TMPRSS13: variants seen among roughly 807,000 people sequenced by gnomAD.
The protein encoded by TMPRSS13 is transmembrane protease serine 13.
A neutral mutation model predicts 68.4 loss-of-function variants in TMPRSS13; 50 were observed. The ratio of observed to expected loss-of-function variants is 0.73; its 90% CI spans 0.58 to 0.93. The LOEUF is 0.93. Ranked by LOEUF, TMPRSS13 falls within the 40% of genes least tolerant of loss-of-function variation. The probability of loss-of-function intolerance (pLI) is 0.00; values close to 1 mark genes in which losing one functional copy is unlikely to be tolerated. For synonymous variants in TMPRSS13, 267 were observed against 285.8 expected, an observed-to-expected ratio of 0.93 and a Z score of 0.66; for missense variants, 615 against 729.2, an observed-to-expected ratio of 0.84 and a Z score of 1.80.
chr11:117,914,508 A>T lies in TMPRSS13; in HGVS notation c.563T>A (p.Phe188Tyr). Residue 188 changes from phenylalanine (F) to tyrosine (Y), a missense_variant, in exon 4 of 13, where the codon TTC becomes TAC. By Grantham distance (22) the Phe-to-Tyr change is conservative. Transcript: ENST00000524993. The surrounding 1 kb of genome is among the most constrained non-coding windows in gnomAD (Gnocchi z 4.2). ...CCTGATCCCTGTGTGGCCCTGCCAGAACTGGACTAGAGAAAAAGAAGCAGA... is the reference window on the plus strand; with the variant it reads ...CCTGATCCCTGTGTGGCCCTGCCAGTACTGGACTAGAGAAAAAGAAGCAGA... ...LVVSLIILFQ[F>Y]WQGHTGIRYK... The T allele has an allele frequency of 6.2e-7, 1 of 1,613,888 alleles. No homozygotes were observed. The highest frequency in any genetic ancestry group is 8.5e-7 in the Non-Finnish European group (1 of 1,180,000).
At chr11:117,927,727 C>G (rs552140979) in intron 1 of TMPRSS13, among the ~76,000 whole-genome samples, 26 of 152,310 alleles carry the variant, frequency 1.7e-4, no homozygotes, top group African/African-American at 6.3e-4. Context: ...GGAATACGAG[C>G]CCCAACTATA....
At chr11:117,919,693 A>G (rs1283697346) in intron 1 of TMPRSS13, among the ~76,000 whole-genome samples, 1 of 152,264 alleles carries the variant, frequency 6.6e-6, no homozygotes, top group Non-Finnish European at 1.5e-5. Context: ...AAACGTTCAC[A>G]TCTGTGGCCT....
chr11:117,904,336 C>A, intron 10 of TMPRSS13, among the ~76,000 whole-genome samples: 1 of 152,174 alleles, frequency 6.6e-6, no homozygotes, highest in South Asian at 2.1e-4. Context: ...GAGACAGAGA[C>A]ATCCATGCAC....
rs2057657295 is a variant in TMPRSS13, at chr11:117,922,345, CT to C, written c.22-3508del. 6.6e-6 allele frequency among the ~76,000 whole-genome samples: 1 copy of C among 152,210 alleles called. No homozygotes were observed. The highest frequency in any genetic ancestry group is 6.5e-5 in the Admixed American group (1 of 15,292). On this transcript the variant is annotated intron_variant, in intron 1 of 12. Transcript: ENST00000524993. The surrounding 1 kb of genome is among the most constrained non-coding windows in gnomAD (Gnocchi z 4.2). ...CACCTCCCGGGTTCAAGTGATTCTC[CT>C]TCCTCAGCCTCCTGAGTACCTGGGA...
At chr11:117,913,995 G>A (rs2057548037) in intron 4 of TMPRSS13, 89 bp from the exon 5 acceptor site, 2 of 1,498,164 alleles carry the variant, frequency 1.3e-6, no homozygotes, top group Admixed American at 1.9e-5. Flanking sequence ...CTTTGAGAAA[G>A]CGCTTGTCCT....
intron 1 of TMPRSS13, among the ~76,000 whole-genome samples, chr11:117,923,316 A>G (rs929350516): frequency 6.6e-6 from 1 of 152,228 alleles, no homozygotes; most frequent in African/African-American, 2.4e-5. Flanking sequence ...TTCCAGTTGC[A>G]GACTCTGCCC....
rs1277304650 is a variant in TMPRSS13 at position 117,909,791 on chromosome 11, C to T, written c.1109+15G>A. On this transcript the variant is annotated intron_variant, in intron 8 of 12. Transcript: ENST00000524993. ...CCCTGGGCAGTGTCAAATCACCTGC[C>T]TCTCAGGCACTTACACGAAGAAGCA... The T allele has an allele frequency of 1.2e-6, 2 of 1,602,636 alleles. No homozygotes were observed. Among genetic ancestry groups the T allele is most frequent in the Non-Finnish European group, 8.5e-7 (1 of 1,174,616 alleles).
At position 117,917,226 on chromosome 11, in the gene TMPRSS13, G is replaced by A. The variant is rs766856761; in HGVS notation, c.500C>T (p.Pro167Leu). ...GAGGAGGAGCACGCACCCGATGAGC[G>A]GTAGCTGCTTCTGGCCCTCCCGCCA... The part of the protein sequence containing the change: ...FTWREGQKQL[P>L]LIGCVLLLIA... Residue 167 changes from proline to leucine, a missense_variant, in exon 3 of 13, where the codon CCG becomes CTG. Pro to Leu is a moderately conservative substitution (Grantham distance 98, BLOSUM62 -3). Transcript: ENST00000524993. 5.0e-6 allele frequency: 8 copies of A among 1,612,896 alleles called. No homozygotes were observed. In the African/African-American group the frequency reaches 5.3e-5, roughly 11 times the overall value.
chr11:117,908,095 G>C (rs1041593399), intron 9 of TMPRSS13: 4 of 925,546 alleles, frequency 4.3e-6, no homozygotes, highest in Non-Finnish European at 4.9e-6. Flanking sequence ...AGAGCCAGGT[G>C]GGGAGAGCAC....
chr11:117,917,407 T>C, intron 2 of TMPRSS13, 133 bp from the exon 3 acceptor site: 1 of 641,120 alleles, frequency 1.6e-6, no homozygotes, highest in Non-Finnish European at 2.7e-6. Context: ...TGGAATGAGA[T>C]TTTATGGGGC....
chr11:117,902,955 A>G, intron 12 of TMPRSS13: 1 of 1,012,926 alleles, frequency 9.9e-7, no homozygotes, highest in Non-Finnish European at 1.2e-6. Flanking sequence ...AAGGTAAGGC[A>G]CACACTGAAG....
intron 1 of TMPRSS13, among the ~76,000 whole-genome samples, chr11:117,923,259 C>T (rs1266806784): frequency 1.3e-5 from 2 of 152,248 alleles, no homozygotes; most frequent in African/African-American, 2.4e-5. Flanking sequence ...GACACCACAG[C>T]TCCCAGGGTT....
intron 6 of TMPRSS13, among the ~76,000 whole-genome samples, chr11:117,911,127 C>T (rs905485364): frequency 3.3e-5 from 5 of 152,218 alleles, no homozygotes; most frequent in African/African-American, 1.2e-4. Flanking sequence ...GCAGAAACCA[C>T]GCAGCACAGA....
At chr11:117,918,017 C>A (rs2134908117) in intron 2 of TMPRSS13, among the ~76,000 whole-genome samples, 1 of 152,246 alleles carries the variant, frequency 6.6e-6, no homozygotes, top group East Asian at 1.9e-4. Flanking sequence ...CAGATGGGCC[C>A]ACTGATCATG....
At chr11:117,923,751 G>A (rs1370824275) in intron 1 of TMPRSS13, among the ~76,000 whole-genome samples, 1 of 150,512 alleles carries the variant, frequency 6.6e-6, no homozygotes, top group Non-Finnish European at 1.5e-5. Flanking sequence ...GAGTTAATGG[G>A]TGCAGCACAC....
intron 1 of TMPRSS13, among the ~76,000 whole-genome samples, chr11:117,925,013 C>G (rs2057690990): frequency 6.6e-6 from 1 of 152,206 alleles, no homozygotes; most frequent in Admixed American, 6.5e-5. Context: ...GCCGTGTGAC[C>G]TTGGGGACAG....
At chr11:117,910,305 G>C (rs890949176) in intron 7 of TMPRSS13, among the ~76,000 whole-genome samples, 1 of 152,106 alleles carries the variant, frequency 6.6e-6, no homozygotes, top group Non-Finnish European at 1.5e-5. Context: ...GCACTGTGTT[G>C]GGCATTGGGG....
chr11:117,901,990 A>G lies in TMPRSS13; in HGVS notation c.*249T>C. 1 of 571,532 alleles carries G rather than the reference A, an allele frequency of 1.7e-6. No homozygotes were observed. Among genetic ancestry groups the G allele is most frequent in the Non-Finnish European group, 3.2e-6 (1 of 317,424 alleles). 35.4% of individuals were successfully genotyped at this position (571,532 alleles called of 1,614,324 possible). A position where few individuals can be genotyped will look rare whatever the true frequency, so the allele number is the denominator to read the frequency against. On this transcript the variant is annotated 3_prime_UTR_variant, in exon 13 of 13. Coordinates refer to ENST00000524993, the MANE Select transcript of TMPRSS13 (RefSeq NM_001077263.3). ...CGGTACTCAACTCTTGTCTCCAGGT[A>G]ATTTCCAGCCTGGGATTTTGAGAAG...
Position 117,914,592 on chromosome 11 carries a change from G to A in TMPRSS13, c.557-78C>T, listed in dbSNP as rs2057556767. 6.3e-7 allele frequency: 1 copy of A among 1,587,388 alleles called. No individual in the cohort carries two copies. Among genetic ancestry groups the A allele is most frequent in the African/African-American group, 1.3e-5 (1 of 74,348 alleles). ...ACACTGAGCAGCCCAAGGACCTGGG[G>A]GTTCTGAGACACCGACCTGCAATCC... On this transcript the variant is annotated intron_variant, in intron 3 of 12. Coordinates refer to ENST00000524993, the MANE Select transcript of TMPRSS13 (RefSeq NM_001077263.3). The surrounding 1 kb of genome is among the most constrained non-coding windows in gnomAD (Gnocchi z 4.2).
Sources: allele counts gnomAD v4.1 joint callset (sites outside exome capture counted in the v4.1 genomes callset), GRCh38; gene constraint gnomAD v4.1.1; non-coding constraint Gnocchi (gnomAD v3.1); transcripts MANE v1.5; gene names NCBI Gene and HGNC (gene_info 2026-07-23, HGNC 2026-07-21).